Variants in MTMR8 observed in about 807,000 individuals in gnomAD.
MTMR8 encodes the protein myotubularin related protein 8.
MTMR8 carries 65 observed loss-of-function variants against 39.3 expected under a neutral mutation model. The observed-to-expected ratio is 1.65, with a 90% CI of 1.35 to 2.03. The LOEUF is 2.03. MTMR8 is among the 30% of genes most tolerant of loss of function. The probability of loss-of-function intolerance (pLI) is 0.00; values close to 1 mark genes in which losing one functional copy is unlikely to be tolerated. For synonymous variants in MTMR8, 245 were observed against 185.2 expected (o/e 1.32, Z -2.62); for missense variants, 777 against 538.9 (o/e 1.44, Z -4.37).
chrX:64,301,756 G>A (rs1468620593), intron 12 of MTMR8, among the ~76,000 whole-genome samples: 19 of 111,457 alleles, frequency 1.7e-4, no homozygotes, highest in African/African-American at 5.9e-4. Context: ...TGGGTTTTCG[G>A]TGTGGATGTC....
intron 12 of MTMR8, among the ~76,000 whole-genome samples, chrX:64,272,764 T>C (rs967540797): frequency 2.7e-5 from 3 of 111,635 alleles, no homozygotes; most frequent in African/African-American, 9.8e-5. Context: ...GAGAGAATTT[T>C]GAAAGCAGTA....
chrX:64,282,370 G>C (rs992128945), intron 12 of MTMR8, among the ~76,000 whole-genome samples: 11 of 111,219 alleles, frequency 9.9e-5, no homozygotes, highest in African/African-American at 3.6e-4. Flanking sequence ...AGAAGGGGTG[G>C]GGGTAGGGAG....
At chrX:64,339,914 C>A (rs894023499) in intron 8 of MTMR8, among the ~76,000 whole-genome samples, 1 of 111,611 alleles carries the variant, frequency 9.0e-6, no homozygotes, top group East Asian at 2.8e-4. Context: ...AGTTTGAAAG[C>A]AAGGTACAAG....
At chrX:64,288,338 C>A (rs1027643688) in intron 12 of MTMR8, among the ~76,000 whole-genome samples, 1 of 111,155 alleles carries the variant, frequency 9.0e-6, no homozygotes, top group Non-Finnish European at 1.9e-5. Flanking sequence ...ACACCAGTTA[C>A]AATGGCGATC....
At chrX:64,377,896 G>A (rs190941260) in intron 1 of MTMR8, among the ~76,000 whole-genome samples, 10 of 111,823 alleles carry the variant, frequency 8.9e-5, no homozygotes, top group African/African-American at 1.6e-4. Context: ...TTGGATCATG[G>A]GGCAGACTTC....
chrX:64,354,934 G>T lies in MTMR8; in HGVS notation c.311C>A (p.Ala104Glu), dbSNP rs958863380. 8.4e-7 allele frequency: 1 copy of T among 1,186,559 alleles called. No individual in the cohort carries two copies. The highest frequency in any genetic ancestry group is 1.8e-5 in the African/African-American group (1 of 56,255). Residue 104 changes from alanine to glutamate, a missense_variant and splice_region_variant, in exon 4 of 14, where the codon GCA becomes GAA. Physicochemically the swap from Ala to Glu is moderately radical, Grantham distance 107. Coordinates refer to ENST00000374852, the MANE Select transcript of MTMR8 (RefSeq NM_017677.4). ...YISLLKLSQP[A>E]LPEDLYAFSY... ...AAAAGCATAAAGATCTTCAGGTAAT[G>T]CTGGAGAAGAGAGATAGGCATGGAA...
At chrX:64,282,878 A>C (rs1298206944) in intron 12 of MTMR8, among the ~76,000 whole-genome samples, 1 of 111,708 alleles carries the variant, frequency 9.0e-6, no homozygotes, top group East Asian at 2.8e-4. Flanking sequence ...GAACAGCTCC[A>C]GTCTACAGCT....
At chrX:64,290,859 T>C (rs1356441711) in intron 12 of MTMR8, among the ~76,000 whole-genome samples, 2 of 112,077 alleles carry the variant, frequency 1.8e-5, no homozygotes, top group Non-Finnish European at 3.8e-5. Flanking sequence ...CCTTTACCTG[T>C]TGAAGGACAT....
chrX:64,325,466 G>A (rs1329712828), intron 12 of MTMR8, among the ~76,000 whole-genome samples: 1 of 111,784 alleles, frequency 8.9e-6, no homozygotes, highest in African/African-American at 3.3e-5. Flanking sequence ...ACTCATCCCA[G>A]GGATGCAAGA....
At chrX:64,372,521 GTTC>G (rs1249176478) in intron 1 of MTMR8, among the ~76,000 whole-genome samples, 1 of 111,543 alleles carries the variant, frequency 9.0e-6, no homozygotes, top group African/African-American at 3.3e-5. Flanking sequence ...ACACTAATCT[GTTC>G]TTCATCTCTA....
rs1923753672 is a variant in MTMR8 at position 64,360,596 on chromosome X, G to A, written c.25-1069C>T. 2.7e-5 allele frequency among the ~76,000 whole-genome samples: 3 copies of A among 110,869 alleles called. No homozygotes were observed. In the Admixed American group the frequency reaches 2.9e-4, roughly 11 times the overall value. On this transcript the variant is annotated intron_variant, in intron 1 of 13. Transcript: ENST00000374852. ...AAACGTTCAATATCATACAGTTTAG[G>A]TTCTCCAACCACAATGCAATAGCAC...
At chrX:64,391,000 A>G (rs184442807) in intron 1 of MTMR8, among the ~76,000 whole-genome samples, 1 of 112,091 alleles carries the variant, frequency 8.9e-6, no homozygotes, top group Non-Finnish European at 1.9e-5. Flanking sequence ...AGTTTTAGTA[A>G]ATTTGGAGTT....
chrX:64,292,693 T>C (rs971197158), intron 12 of MTMR8, among the ~76,000 whole-genome samples: 7 of 111,147 alleles, frequency 6.3e-5, no homozygotes, highest in African/African-American at 2.3e-4. Context: ...TTTCTTGCCC[T>C]TATGTCCAGT....
intron 13 of MTMR8, 33 bp from the exon 14 acceptor site, chrX:64,269,076 T>A: frequency 8.5e-7 from 1 of 1,180,568 alleles, no homozygotes; most frequent in Non-Finnish European, 1.1e-6. Context: ...TTGAGAAGAA[T>A]TAGAAACAGG....
chrX:64,301,946 G>T (rs1417188387), intron 12 of MTMR8, among the ~76,000 whole-genome samples: 2 of 112,013 alleles, frequency 1.8e-5, no homozygotes, highest in South Asian at 3.7e-4. Flanking sequence ...GCTGCGTGCT[G>T]GGAGACCCAC....
chrX:64,376,369 T>C (rs1924267576), intron 1 of MTMR8, among the ~76,000 whole-genome samples: 1 of 112,101 alleles, frequency 8.9e-6, no homozygotes, highest in South Asian at 3.7e-4. Context: ...GATAGTGATA[T>C]GGACAATAAA....
At chrX:64,324,517 C>T (rs1337139543) in intron 12 of MTMR8, among the ~76,000 whole-genome samples, 1 of 110,172 alleles carries the variant, frequency 9.1e-6, no homozygotes, top group Non-Finnish European at 1.9e-5. Flanking sequence ...ACCCCCATCT[C>T]TACAAAGAAA....
chrX:64,306,973 T>G (rs779368010), intron 12 of MTMR8, among the ~76,000 whole-genome samples: 17 of 112,073 alleles, frequency 1.5e-4, no homozygotes, highest in Admixed American at 3.8e-4. Context: ...GGGAGCGGAA[T>G]GGCAGCAACG....
intron 2 of MTMR8, among the ~76,000 whole-genome samples, chrX:64,358,388 C>T (rs1439083627): frequency 8.9e-6 from 1 of 111,953 alleles, no homozygotes; most frequent in Admixed American, 9.4e-5. Context: ...CTTTCATGTG[C>T]ATACTCAATT....
Sources: allele counts gnomAD v4.1 joint callset (sites outside exome capture counted in the v4.1 genomes callset), GRCh38; gene constraint gnomAD v4.1.1; transcripts MANE v1.5; gene names NCBI Gene and HGNC (gene_info 2026-07-23, HGNC 2026-07-21).